MCHR2: variants seen among roughly 807,000 people sequenced by gnomAD.
MCHR2 encodes the protein melanin concentrating hormone receptor 2.
In MCHR2, 15 loss-of-function variants were observed where a neutral mutation model predicts 24.8. The observed-to-expected ratio is 0.60, with a 90% CI of 0.40 to 0.93. The LOEUF is 0.93. Among genes scored for constraint, MCHR2 ranks in the 40% least tolerant of loss-of-function variants. The pLI is 0.00. For synonymous variants in MCHR2, 151 were observed against 147.6 expected (o/e 1.02, Z -0.17); for missense variants, 386 against 408.7 (o/e 0.94, Z 0.48).
At chr6:99,948,217 G>A (rs1161854244) in intron 2 of MCHR2, among the ~76,000 whole-genome samples, 1 of 152,116 alleles carries the variant, frequency 6.6e-6, no homozygotes, top group Admixed American at 6.6e-5. Flanking sequence ...TCAGTAGGTG[G>A]AGCCTAATTC....
intron 2 of MCHR2, among the ~76,000 whole-genome samples, chr6:99,950,842 TA>T (rs1275568375): frequency 6.6e-6 from 1 of 152,148 alleles, no homozygotes; most frequent in Non-Finnish European, 1.5e-5. Context: ...AATAACAACA[TA>T]TGATATGAAT....
At chr6:99,934,342 A>C in intron 5 of MCHR2, 56 bp downstream of exon 5, 1 of 1,428,268 alleles carries the variant, frequency 7.0e-7, no homozygotes, top group Non-Finnish European at 9.2e-7. Context: ...TCTATTGTAG[A>C]TGTCTTAGGC....
chr6:99,960,658 G>C (rs371088731), intron 1 of MCHR2, among the ~76,000 whole-genome samples: 1 of 152,010 alleles, frequency 6.6e-6, no homozygotes, highest in Admixed American at 6.6e-5. Flanking sequence ...CGGAACAGAG[G>C]CCTCAGAAAT....
chr6:99,973,142 T>C (rs960962861), intron 1 of MCHR2, among the ~76,000 whole-genome samples: 7 of 151,906 alleles, frequency 4.6e-5, no homozygotes, highest in Non-Finnish European at 8.8e-5. Flanking sequence ...CTCGTTGATC[T>C]GTCTAATGTT....
In MCHR2 at chr6:99,955,962, T is replaced by A; in HGVS notation, c.182+4A>T. 3 of 1,538,870 alleles carry A rather than the reference T, an allele frequency of 1.9e-6. No homozygotes were observed. Among genetic ancestry groups the A allele is most frequent in the Non-Finnish European group, 2.6e-6 (3 of 1,147,384 alleles). On this transcript the variant is annotated splice_donor_region_variant and intron_variant, in intron 2 of 5. Coordinates refer to ENST00000281806, the MANE Select transcript of MCHR2 (RefSeq NM_001040179.2). ...AAAAAAAAAAAAAAGGAGCCATTCCTTACCTTATTATAGTGAATACAATGA... is the reference window on the plus strand; with the variant it reads ...AAAAAAAAAAAAAAGGAGCCATTCCATACCTTATTATAGTGAATACAATGA...
At chr6:99,976,628 C>T (rs1775557152) in intron 1 of MCHR2, among the ~76,000 whole-genome samples, 1 of 144,130 alleles carries the variant, frequency 6.9e-6, no homozygotes, top group East Asian at 2.2e-4. Flanking sequence ...GGAGCACCAC[C>T]TGTGGCTTTT....
chr6:99,987,733 T>A (rs979091154), intron 1 of MCHR2, among the ~76,000 whole-genome samples: 1 of 151,736 alleles, frequency 6.6e-6, no homozygotes, highest in Non-Finnish European at 1.5e-5. Context: ...AAATTAAGAG[T>A]TAAAAAACAA....
At chr6:99,971,794 C>G (rs1485793801) in intron 1 of MCHR2, among the ~76,000 whole-genome samples, 1 of 152,092 alleles carries the variant, frequency 6.6e-6, no homozygotes, top group African/African-American at 2.4e-5. Context: ...TTGTCAAAGG[C>G]CTTTTCTGCA....
chr6:99,938,639 T>A (rs2114514780), intron 4 of MCHR2, among the ~76,000 whole-genome samples: 1 of 152,226 alleles, frequency 6.6e-6, no homozygotes, highest in Middle Eastern at 3.4e-3. Flanking sequence ...ATGTTCTATA[T>A]GCTGTTGAAA....
intron 1 of MCHR2, among the ~76,000 whole-genome samples, chr6:99,972,496 T>A (rs1407948136): frequency 6.6e-6 from 1 of 152,152 alleles, no homozygotes; most frequent in Non-Finnish European, 1.5e-5. Flanking sequence ...ATTTTGTTGA[T>A]CCTTTCAAAA....
At chr6:99,970,157 C>T (rs1369704872) in intron 1 of MCHR2, among the ~76,000 whole-genome samples, 1 of 151,112 alleles carries the variant, frequency 6.6e-6, no homozygotes, top group Admixed American at 6.6e-5. Context: ...AATGGTTGAA[C>T]TAGTTTACAG....
intron 1 of MCHR2, among the ~76,000 whole-genome samples, chr6:99,970,743 G>C (rs998209218): frequency 6.6e-6 from 1 of 152,176 alleles, no homozygotes; most frequent in African/African-American, 2.4e-5. Context: ...TTTGTATAAA[G>C]TGTAAGGAAG....
At chr6:99,922,483 T>A (rs1774259066) in intron 5 of MCHR2, among the ~76,000 whole-genome samples, 1 of 152,190 alleles carries the variant, frequency 6.6e-6, no homozygotes, top group Non-Finnish European at 1.5e-5. Context: ...TCCTGGAGAT[T>A]TTCTCCAATA....
intron 5 of MCHR2, among the ~76,000 whole-genome samples, chr6:99,921,868 CAT>C (rs1423293187): frequency 6.6e-6 from 1 of 152,174 alleles, no homozygotes; most frequent in African/African-American, 2.4e-5. Flanking sequence ...TGTGTGAGAA[CAT>C]GTGATGTTTG....
chr6:99,981,475 A>G (rs17183312), intron 1 of MCHR2, among the ~76,000 whole-genome samples: 35,331 of 151,970 alleles, frequency 0.23, 4,400 homozygotes, highest in African/African-American at 0.29. Context: ...AATCTGGCCA[A>G]TGGTATGTGT....
intron 1 of MCHR2, among the ~76,000 whole-genome samples, chr6:99,961,004 T>A (rs1775172345): frequency 6.6e-6 from 1 of 152,080 alleles, no homozygotes; most frequent in Admixed American, 6.6e-5. Flanking sequence ...CTAAAGAGCT[T>A]CTGCACAGCA....
intron 1 of MCHR2, among the ~76,000 whole-genome samples, chr6:99,958,226 G>T (rs1775105432): frequency 6.6e-6 from 1 of 152,012 alleles, no homozygotes; most frequent in South Asian, 2.1e-4. Context: ...TCACTTTAGA[G>T]AAGTGAGGAA....
intron 1 of MCHR2, among the ~76,000 whole-genome samples, chr6:99,963,432 C>T (rs898065300): frequency 1.3e-5 from 2 of 152,104 alleles, no homozygotes; most frequent in Non-Finnish European, 2.9e-5. Context: ...TATATGATTT[C>T]ATTTGCATGA....
chr6:99,939,326 T>C (rs985710827), intron 4 of MCHR2, among the ~76,000 whole-genome samples: 1 of 152,158 alleles, frequency 6.6e-6, no homozygotes, highest in African/African-American at 2.4e-5. Context: ...AGTTCATTCC[T>C]TTTTATTTTT....
Sources: gnomAD v4.1 joint callset for allele counts (sites outside exome capture counted in the v4.1 genomes callset) on GRCh38, gnomAD v4.1.1 for gene constraint, MANE v1.5 for transcripts, NCBI Gene and HGNC (gene_info 2026-07-23, HGNC 2026-07-21) for gene names.